The following MBNL3 variants were observed in gnomAD, a reference collection of about 807,000 sequenced individuals.
MBNL3 encodes the protein muscleblind like splicing regulator 3, also known as muscleblind-like protein 3.
MBNL3 carries 6 observed loss-of-function variants against 24.5 expected under a neutral mutation model. That is an observed-to-expected ratio of 0.25 (90% CI 0.13 to 0.48). MBNL3 has a LOEUF of 0.48. Ranked by LOEUF, MBNL3 falls within the 20% of genes least tolerant of loss-of-function variation. The probability of loss-of-function intolerance (pLI) is 0.99; values close to 1 mark genes in which losing one functional copy is unlikely to be tolerated. For synonymous variants in MBNL3, 100 were observed against 101.7 expected (o/e 0.98, Z 0.10); for missense variants, 230 against 293.5 (o/e 0.78, Z 1.58).
intron 3 of MBNL3, among the ~76,000 whole-genome samples, chrX:132,398,208 A>T (rs1940177189): frequency 9.0e-6 from 1 of 111,264 alleles, no homozygotes; most frequent in Non-Finnish European, 1.9e-5. Flanking sequence ...CACAAATGAG[A>T]ACACAAGTCA....
chrX:132,392,614 G>A (rs1002190323), intron 3 of MBNL3, among the ~76,000 whole-genome samples: 1 of 112,354 alleles, frequency 8.9e-6, no homozygotes, highest in Non-Finnish European at 1.9e-5. Context: ...CTGCTAGTCT[G>A]TTCCAAATGT....
chrX:132,469,774 T>C (rs1036401884), intron 1 of MBNL3, among the ~76,000 whole-genome samples: 1 of 111,775 alleles, frequency 8.9e-6, no homozygotes, highest in Non-Finnish European at 1.9e-5. Flanking sequence ...TGATTTTTAG[T>C]ATTATTTAAT....
At chrX:132,413,895 T>C (rs1318303650) in intron 2 of MBNL3, among the ~76,000 whole-genome samples, 1 of 112,185 alleles carries the variant, frequency 8.9e-6, no homozygotes, top group African/African-American at 3.2e-5. Flanking sequence ...TTAAGGTTTT[T>C]ATTTATGTGT....
chrX:132,486,206 A>T (rs978086817), intron 1 of MBNL3, among the ~76,000 whole-genome samples: 1 of 111,970 alleles, frequency 8.9e-6, no homozygotes, highest in East Asian at 2.8e-4. Context: ...AGCAGAATAA[A>T]AGTAAAATGT....
At chrX:132,408,338 G>C (rs1942195086) in intron 2 of MBNL3, among the ~76,000 whole-genome samples, 1 of 107,610 alleles carries the variant, frequency 9.3e-6, no homozygotes, top group South Asian at 4.2e-4. Context: ...CAGCAGCATT[G>C]CTTAAGGATT....
At chrX:132,471,334 G>C (rs777947156) in intron 1 of MBNL3, among the ~76,000 whole-genome samples, 1 of 112,219 alleles carries the variant, frequency 8.9e-6, no homozygotes, top group Non-Finnish European at 1.9e-5. Flanking sequence ...ATTTATTTTA[G>C]GTCAGTTATT....
chrX:132,418,171 A>T (rs1943469151), intron 2 of MBNL3, among the ~76,000 whole-genome samples: 1 of 112,254 alleles, frequency 8.9e-6, no homozygotes, highest in Non-Finnish European at 1.9e-5. Flanking sequence ...ATATCATGAA[A>T]GTAGTCATAA....
intron 1 of MBNL3, among the ~76,000 whole-genome samples, chrX:132,457,763 C>G (rs1410466706): frequency 9.0e-6 from 1 of 111,687 alleles, no homozygotes; most frequent in Admixed American, 9.5e-5. Flanking sequence ...TGACATAAAA[C>G]TAGGCTGAAA....
intron 1 of MBNL3, among the ~76,000 whole-genome samples, chrX:132,484,666 A>AC (rs1473909988): frequency 1.1e-4 from 12 of 111,096 alleles, no homozygotes. Flanking sequence ...TCTACTGCCA[A>AC]CCCCCTGCAT....
intron 1 of MBNL3, among the ~76,000 whole-genome samples, chrX:132,474,783 T>C (rs760890289): frequency 5.1e-4 from 57 of 111,268 alleles, no homozygotes; most frequent in Non-Finnish European, 9.1e-4. Context: ...CTTTTTAAGT[T>C]CCAACATATC....
chrX:132,484,529 C>T (rs1368271694), intron 1 of MBNL3, among the ~76,000 whole-genome samples: 2 of 111,472 alleles, frequency 1.8e-5, no homozygotes, highest in East Asian at 5.6e-4. Flanking sequence ...CCAAGAAGCT[C>T]AGGATTCAAG....
chrX:132,430,127 T>G (rs1457343200), intron 2 of MBNL3: 1 of 106,089 alleles, frequency 9.4e-6, no homozygotes, highest in Non-Finnish European at 1.9e-5. Flanking sequence ...ATACTCAAAG[T>G]TTTTTTTTTA....
intron 2 of MBNL3, among the ~76,000 whole-genome samples, chrX:132,428,552 G>A (rs182486918): frequency 1.1e-3 from 115 of 108,591 alleles, no homozygotes; most frequent in African/African-American, 3.6e-3. Context: ...ACTGAAGACC[G>A]ATTATGTAGC....
intron 2 of MBNL3, among the ~76,000 whole-genome samples, chrX:132,434,203 C>A (rs1203358599): frequency 8.9e-6 from 1 of 112,321 alleles, no homozygotes; most frequent in East Asian, 2.8e-4. Flanking sequence ...ATGATAGGCA[C>A]ACACATATCA....
At chrX:132,480,479 C>T (rs1947670566) in intron 1 of MBNL3, among the ~76,000 whole-genome samples, 2 of 111,905 alleles carry the variant, frequency 1.8e-5, no homozygotes, top group Non-Finnish European at 3.8e-5. Flanking sequence ...GGGCCCTCAA[C>T]TTTATTTGGC....
intron 1 of MBNL3, among the ~76,000 whole-genome samples, chrX:132,468,377 G>A (rs1445176930): frequency 8.9e-6 from 1 of 112,100 alleles, no homozygotes; most frequent in Non-Finnish European, 1.9e-5. Flanking sequence ...AAATCTAGCT[G>A]GCTTTTGGTG....
intron 3 of MBNL3, among the ~76,000 whole-genome samples, chrX:132,396,395 T>C (rs1295693738): frequency 1.2e-5 from 1 of 84,989 alleles, no homozygotes; most frequent in South Asian, 5.2e-4. Context: ...TATATATTCC[T>C]ATATATATTC....
intron 1 of MBNL3, among the ~76,000 whole-genome samples, chrX:132,456,750 C>T (rs752345238): frequency 9.0e-6 from 1 of 111,462 alleles, no homozygotes; most frequent in South Asian, 3.7e-4. Context: ...TTCTCATTTC[C>T]CCCACCCCAG....
chrX:132,395,394 C>G lies in MBNL3; in HGVS notation c.343-3060G>C, dbSNP rs1305205230. Among the ~76,000 whole-genome samples the G allele has an allele frequency of 3.6e-5, 4 of 111,929 alleles. 1 individual carries two copies. The South Asian group carries it at 1.5e-3, about 41-fold the overall frequency. ...GGAAAAGGTTTTAACTATACTGACT[C>G]TGATTTATCTTTACAGCCTGAAATG... On this transcript the variant is annotated intron_variant, in intron 3 of 8. Transcript: ENST00000370853.
Sources: allele counts gnomAD v4.1 joint callset (sites outside exome capture counted in the v4.1 genomes callset), GRCh38; gene constraint gnomAD v4.1.1; transcripts MANE v1.5; gene names NCBI Gene and HGNC (gene_info 2026-07-23, HGNC 2026-07-21).